Variants in RHAG observed in about 807,000 individuals in gnomAD.
RHAG encodes Rh associated glycoprotein.
A neutral mutation model predicts 42.4 loss-of-function variants in RHAG; 25 were observed. The ratio of observed to expected loss-of-function variants is 0.59; its 90% CI spans 0.43 to 0.82. The LOEUF is 0.82. RHAG is among the 40% of genes least tolerant of loss of function. The pLI is 0.00. For synonymous variants in RHAG, 182 were observed against 177.7 expected (o/e 1.02, Z -0.19); for missense variants, 483 against 504.6 (o/e 0.96, Z 0.41).
At chr6:49,629,940 T>C (rs2127358094) in intron 1 of RHAG, among the ~76,000 whole-genome samples, 1 of 152,084 alleles carries the variant, frequency 6.6e-6, no homozygotes, top group Non-Finnish European at 1.5e-5. Context: ...CCTCCACACC[T>C]CCCTGCAAGC....
chr6:49,629,939 C>T (rs1298980487), intron 1 of RHAG, among the ~76,000 whole-genome samples: 1 of 152,190 alleles, frequency 6.6e-6, no homozygotes, highest in African/African-American at 2.4e-5. Flanking sequence ...CCCTCCACAC[C>T]TCCCTGCAAG....
chr6:49,627,556 G>T (rs1762861414), intron 1 of RHAG, among the ~76,000 whole-genome samples: 1 of 152,034 alleles, frequency 6.6e-6, no homozygotes, highest in Admixed American at 6.6e-5. Context: ...CACATTTTCG[G>T]GTATCTTTAC....
intron 1 of RHAG, among the ~76,000 whole-genome samples, chr6:49,632,929 G>T (rs1312570615): frequency 6.6e-6 from 1 of 152,212 alleles, no homozygotes; most frequent in African/African-American, 2.4e-5. Context: ...TAGGTGCTAT[G>T]GAAGCCAAAA....
intron 2 of RHAG, 107 bp downstream of exon 2, chr6:49,619,072 T>G: frequency 1.6e-6 from 2 of 1,257,610 alleles, no homozygotes; most frequent in South Asian, 2.5e-5. Flanking sequence ...CATGACCTGG[T>G]CACCTCCCCA....
chr6:49,622,558 C>T (rs1422639843), intron 1 of RHAG, among the ~76,000 whole-genome samples: 1 of 152,022 alleles, frequency 6.6e-6, no homozygotes, highest in Non-Finnish European at 1.5e-5. Context: ...TCTCTCTTTG[C>T]CTCCTGACAC....
chr6:49,631,086 T>G (rs563540179), intron 1 of RHAG, among the ~76,000 whole-genome samples: 2 of 152,362 alleles, frequency 1.3e-5, no homozygotes, highest in South Asian at 4.1e-4. Flanking sequence ...GATAGTATTG[T>G]GTACTTCCCA....
chr6:49,622,841 T>G (rs886419605), intron 1 of RHAG, among the ~76,000 whole-genome samples: 7 of 147,906 alleles, frequency 4.7e-5, no homozygotes, highest in Non-Finnish European at 7.5e-5. Flanking sequence ...TTTTTTTTTT[T>G]TTGTTTTGTT....
Position 49,619,252 on chromosome 6 carries a change from C to G in RHAG, c.268G>C (p.Gly90Arg). Reference sequence around the variant, plus strand: ...TGTACAATAGTGCCCCACTGGAGGCCCAAAGCAGCAACGAGTAGGTTGATA... The same window carrying G: ...TGTACAATAGTGCCCCACTGGAGGCGCAAAGCAGCAACGAGTAGGTTGATA... ...VGINLLVAALGLQWGTIVQGI... is the reference protein window; with the variant it reads ...VGINLLVAALRLQWGTIVQGI... The change falls in exon 2 of 10, where the codon GGC (glycine) becomes CGC (arginine). Residue 90 changes from glycine (G) to arginine (R), a missense_variant. By Grantham distance (125) the Gly-to-Arg change is moderately radical. Coordinates refer to ENST00000371175, the MANE Select transcript of RHAG (RefSeq NM_000324.3). The G allele has an allele frequency of 6.2e-7, 1 of 1,614,050 alleles. No individual in the cohort carries two copies. The highest frequency in any genetic ancestry group is 8.5e-7 in the Non-Finnish European group (1 of 1,179,980).
At chr6:49,620,430 A>T (rs1399491250) in intron 1 of RHAG, among the ~76,000 whole-genome samples, 1 of 152,160 alleles carries the variant, frequency 6.6e-6, no homozygotes, top group Non-Finnish European at 1.5e-5. Flanking sequence ...ACATTTTTGC[A>T]TTGGAAATAG....
rs1346744947 is a variant in RHAG, at chr6:49,614,736, G to A, written c.758C>T (p.Thr253Ile). 1 of 1,614,098 alleles carries A rather than the reference G, an allele frequency of 6.2e-7. No individual in the cohort carries two copies. The highest frequency in any genetic ancestry group is 8.5e-7 in the Non-Finnish European group (1 of 1,180,024). ...CACTAGGCTGGAGAAGGCAAAGGCT[G>A]TGAGCACACAGGCAGCGAGAGAGAA... ...TYFSLAACVL[T>I]AFAFSSLVEH... is the part of the protein sequence containing the mutation. The change falls in exon 5 of 10, where the codon ACA becomes ATA. Residue 253 changes from threonine (T) to isoleucine (I), a missense_variant. Transcript: ENST00000371175.
chr6:49,611,223 G>A, intron 6 of RHAG, 78 bp from the exon 7 acceptor site: 2 of 1,178,350 alleles, frequency 1.7e-6, no homozygotes, highest in South Asian at 1.3e-5. Context: ...GCTATAGCTG[G>A]GCTCTATTCT....
intron 1 of RHAG, among the ~76,000 whole-genome samples, chr6:49,636,002 A>G (rs1229808946): frequency 6.6e-6 from 1 of 152,116 alleles, no homozygotes; most frequent in Non-Finnish European, 1.5e-5. Flanking sequence ...TATATTAACT[A>G]TTTTACAGCC....
rs534026994 is a variant in RHAG, at chr6:49,630,858, C to G, written c.157+5798G>C. Among the ~76,000 whole-genome samples, 52 of 152,262 alleles carry G rather than the reference C, an allele frequency of 3.4e-4. 2 individuals are homozygous for G. In the South Asian group the frequency reaches 0.011, roughly 31 times the overall value. On this transcript the variant is annotated intron_variant, in intron 1 of 9. Coordinates refer to ENST00000371175, the MANE Select transcript of RHAG (RefSeq NM_000324.3). ...ATTACTCCAACTATTCCCAGACTGT[C>G]TTTTTATAAAATTTCTGGATTAATT...
At chr6:49,632,437 G>A (rs542876848) in intron 1 of RHAG, among the ~76,000 whole-genome samples, 67 of 152,246 alleles carry the variant, frequency 4.4e-4, no homozygotes, top group African/African-American at 1.6e-3. Flanking sequence ...TAAACAATTA[G>A]AATTTCAGAA....
At chr6:49,624,875 A>G (rs147293545) in intron 1 of RHAG, among the ~76,000 whole-genome samples, 236 of 152,322 alleles carry the variant, frequency 1.5e-3, no homozygotes, top group Non-Finnish European at 2.6e-3. Flanking sequence ...CAAATAGCCA[A>G]ACCTGTTTCT....
chr6:49,611,941 G>A (rs1368298029), intron 6 of RHAG, among the ~76,000 whole-genome samples: 1 of 151,536 alleles, frequency 6.6e-6, no homozygotes, highest in Admixed American at 6.6e-5. Flanking sequence ...AGAGACGGGG[G>A]TTTCACCATG....
At chr6:49,608,093 C>A (rs1311858693) in intron 7 of RHAG, among the ~76,000 whole-genome samples, 1 of 152,016 alleles carries the variant, frequency 6.6e-6, no homozygotes, top group Non-Finnish European at 1.5e-5. Context: ...GTTTAATATC[C>A]CTCAGATTGT....
chr6:49,634,739 A>C (rs1356603429), intron 1 of RHAG, among the ~76,000 whole-genome samples: 1 of 152,044 alleles, frequency 6.6e-6, no homozygotes, highest in Admixed American at 6.6e-5. Context: ...AAAATCAATA[A>C]ATTTTCATGT....
At chr6:49,626,835 T>C (rs1278827968) in intron 1 of RHAG, among the ~76,000 whole-genome samples, 3 of 152,274 alleles carry the variant, frequency 2.0e-5, no homozygotes, top group Non-Finnish European at 1.5e-5. Context: ...TCTTGACTTC[T>C]GTGCTCCCAC....
Sources: gnomAD v4.1 joint callset for allele counts (sites outside exome capture counted in the v4.1 genomes callset) on GRCh38, gnomAD v4.1.1 for gene constraint, MANE v1.5 for transcripts, NCBI Gene and HGNC (gene_info 2026-07-23, HGNC 2026-07-21) for gene names.